UTRN: variants seen among roughly 807,000 people sequenced by gnomAD.
UTRN encodes the protein utrophin.
UTRN carries 283 observed loss-of-function variants against 463.9 expected under a neutral mutation model. The observed-to-expected ratio is 0.61, with a 90% CI of 0.55 to 0.67. UTRN has a LOEUF of 0.67. Ranked by LOEUF, UTRN falls within the 30% of genes least tolerant of loss-of-function variation. The pLI is 0.00. For missense variants in UTRN, 3,922 were observed against 4,084.3 expected (o/e 0.96, Z 1.08); for synonymous variants, 1,442 against 1,431.5 (o/e 1.01, Z -0.17).
At chr6:144,813,141 G>GT (rs998161180) in intron 65 of UTRN, among the ~76,000 whole-genome samples, 4 of 151,684 alleles carry the variant, frequency 2.6e-5, no homozygotes, top group African/African-American at 9.7e-5. Context: ...TGGCATCAGA[G>GT]TTTTTTTGTT....
At chr6:144,709,374 TC>T (rs1198525122) in intron 53 of UTRN, among the ~76,000 whole-genome samples, 3 of 152,218 alleles carry the variant, frequency 2.0e-5, no homozygotes, top group Non-Finnish European at 2.9e-5. Flanking sequence ...TAGTATTTTT[TC>T]TGATCTCCTA....
Position 144,470,977 on chromosome 6 carries a change from G to T in UTRN, c.3067-2743G>T, listed in dbSNP as rs559532858. ...TTGCATTGAGCCGAGATGGCGGCAG[G>T]ACAGTCCAGCCTTGGCTCGGCATCA... On this transcript the variant is annotated intron_variant, in intron 23 of 74. Transcript: ENST00000367545. Among the ~76,000 whole-genome samples the T allele has an allele frequency of 1.9e-4, 29 of 150,190 alleles. No homozygotes were observed. In the South Asian group the frequency reaches 4.2e-3, roughly 22 times the overall value.
At chr6:144,545,555 AAATGTTCTTCTCT>A (rs1429530049) in intron 46 of UTRN, among the ~76,000 whole-genome samples, 1 of 152,152 alleles carries the variant, frequency 6.6e-6, no homozygotes, top group Non-Finnish European at 1.5e-5. Context: ...TGTCTTCCCC[AAATGTTCTTCTCT>A]TAGATATTTT....
intron 22 of UTRN, 109 bp from the exon 23 acceptor site, chr6:144,462,545 T>A: frequency 2.0e-6 from 2 of 1,001,714 alleles, no homozygotes; most frequent in Middle Eastern, 3.3e-4. Context: ...TAGATAAAAA[T>A]GCTTTCTAAT....
At chr6:144,841,600 C>CAT (rs1172343467) in intron 73 of UTRN, among the ~76,000 whole-genome samples, 1 of 151,958 alleles carries the variant, frequency 6.6e-6, no homozygotes, top group Non-Finnish European at 1.5e-5. Context: ...TATATGTATA[C>CAT]ATATATATAC....
intron 50 of UTRN, among the ~76,000 whole-genome samples, chr6:144,576,533 C>T (rs939683194): frequency 6.6e-5 from 10 of 152,078 alleles, no homozygotes; most frequent in Admixed American, 1.3e-4. Context: ...ATAAAATCAG[C>T]TGCTTCAATT....
At chr6:144,574,685 A>G (rs1047504335) in intron 50 of UTRN, among the ~76,000 whole-genome samples, 9 of 152,140 alleles carry the variant, frequency 5.9e-5, no homozygotes, top group Non-Finnish European at 1.0e-4. Context: ...AATTCAAGCA[A>G]TTCTTACTGC....
At chr6:144,363,941 A>G (rs1779288491) in intron 2 of UTRN, among the ~76,000 whole-genome samples, 1 of 152,182 alleles carries the variant, frequency 6.6e-6, no homozygotes, top group South Asian at 2.1e-4. Context: ...GCAGTGGGTG[A>G]TGTTCGGAGG....
intron 46 of UTRN, among the ~76,000 whole-genome samples, chr6:144,546,459 T>A (rs1455000787): frequency 1.3e-5 from 2 of 152,186 alleles, no homozygotes; most frequent in Middle Eastern, 3.2e-3. Context: ...TGTTTAAAAA[T>A]AATAATAAAG....
rs71028314 is a variant in UTRN at position 144,824,572 on chromosome 6, TTATATATATATATATATATA to T, written c.9495-2754_9495-2735del. ...TATATATATTAATATAGCATTTTAT[TTATATATATATATATATATA>T]TATATATATATATATATATATCTTT... On this transcript the variant is annotated intron_variant, in intron 66 of 74. Transcript: ENST00000367545. Among the ~76,000 whole-genome samples the T allele has an allele frequency of 4.6e-3, 176 of 37,918 alleles. 4 individuals carry two copies. Among genetic ancestry groups the T allele is most frequent in the Non-Finnish European group, 5.5e-3 (114 of 20,780 alleles). The allele number at this position is 37,918 out of a possible 152,430, so 24.9% of individuals were successfully genotyped here.
At chr6:144,763,008 T>C (rs1400719061) in intron 58 of UTRN, among the ~76,000 whole-genome samples, 1 of 152,218 alleles carries the variant, frequency 6.6e-6, no homozygotes, top group Admixed American at 6.5e-5. Context: ...GGTGTCACCA[T>C]CACAATTTAA....
At chr6:144,776,804 TTAGGG>T (rs1775365093) in intron 60 of UTRN, among the ~76,000 whole-genome samples, 1 of 152,194 alleles carries the variant, frequency 6.6e-6, no homozygotes, top group Admixed American at 6.5e-5. Flanking sequence ...TAAAAGTAAG[TTAGGG>T]TATTTCATTA....
intron 51 of UTRN, among the ~76,000 whole-genome samples, chr6:144,625,252 A>G (rs1775829160): frequency 6.6e-6 from 1 of 152,234 alleles, no homozygotes; most frequent in African/African-American, 2.4e-5. Flanking sequence ...CAATGAATTA[A>G]TAGAATCAGT....
intron 51 of UTRN, among the ~76,000 whole-genome samples, chr6:144,588,342 A>G (rs1204801859): frequency 3.3e-5 from 5 of 152,230 alleles, no homozygotes; most frequent in African/African-American, 1.2e-4. Context: ...CAGAAAACTC[A>G]TGCTATCAAT....
At chr6:144,824,771 G>C (rs970260975) in intron 66 of UTRN, among the ~76,000 whole-genome samples, 2 of 101,042 alleles carry the variant, frequency 2.0e-5, no homozygotes, top group South Asian at 3.2e-4. Flanking sequence ...TGAAGTTGGT[G>C]GTGGGGGGGG....
At chr6:144,421,619 G>A (rs187917548) in intron 3 of UTRN, among the ~76,000 whole-genome samples, 2,274 of 151,988 alleles carry the variant, frequency 0.015, 48 homozygotes, top group South Asian at 0.1. Context: ...AACCCTGGAG[G>A]CGGAGGTTGC....
intron 53 of UTRN, among the ~76,000 whole-genome samples, chr6:144,702,582 T>C (rs1236050810): frequency 6.6e-6 from 1 of 152,136 alleles, no homozygotes; most frequent in East Asian, 1.9e-4. Flanking sequence ...GTCAAGAAGA[T>C]ACAGGAGGAT....
intron 51 of UTRN, among the ~76,000 whole-genome samples, chr6:144,656,114 A>G (rs907120329): frequency 6.6e-6 from 1 of 152,150 alleles, no homozygotes; most frequent in African/African-American, 2.4e-5. Flanking sequence ...TGGGTTATTC[A>G]GTGTTGATCT....
intron 61 of UTRN, among the ~76,000 whole-genome samples, chr6:144,782,359 G>C (rs1775908234): frequency 6.6e-6 from 1 of 152,048 alleles, no homozygotes; most frequent in Non-Finnish European, 1.5e-5. Context: ...AATTTACAAA[G>C]ACTGTCAAAT....
Sources: gnomAD v4.1 joint callset for allele counts (sites outside exome capture counted in the v4.1 genomes callset) on GRCh38, gnomAD v4.1.1 for gene constraint, MANE v1.5 for transcripts, NCBI Gene and HGNC (gene_info 2026-07-23, HGNC 2026-07-21) for gene names.